NEB: variants seen among roughly 807,000 people sequenced by gnomAD.
NEB encodes nemaline myopathy type 2.
NEB carries 512 observed loss-of-function variants against 952.2 expected under a neutral mutation model. That is an observed-to-expected ratio of 0.54 (90% CI 0.50 to 0.58). NEB has a LOEUF of 0.58. NEB is among the 20% of genes least tolerant of loss of function. The pLI is 0.00. For missense variants in NEB, 8,428 were observed against 9,231.1 expected (o/e 0.91, Z 3.56); for synonymous variants, 2,900 against 3,149.8 (o/e 0.92, Z 2.66).
chr2:151,567,181 T>C lies in NEB; in HGVS notation c.18143A>G (p.Asp6048Gly), dbSNP rs1440118322. 2 of 1,605,412 alleles carry C rather than the reference T, an allele frequency of 1.2e-6. No individual in the cohort carries two copies. The highest frequency in any genetic ancestry group is 1.7e-5 in the Admixed American group (1 of 59,656). The change falls in exon 114 of 182, where the codon GAC (aspartate) becomes GGC (glycine). Residue 6048 changes from aspartate to glycine, a missense_variant. Physicochemically the swap from Asp to Gly is moderately conservative, Grantham distance 94 (BLOSUM62 -1). This residue lies in a region of NEB where 3,374 missense variants were observed against 3,651.5 expected (regional missense o/e 0.92). Coordinates refer to ENST00000397345, the MANE Select transcript of NEB (RefSeq NM_001164508.2). ...AAAATCACTTACATCACTCTGTAGG[T>C]CATAGGCCTTTCTTGCCTGAATAAC... ...NDVIQARKAY[D>G]LQSDNVYRAD...
In NEB at chr2:151,679,543, A is replaced by G. The variant is rs118047174; in HGVS notation, c.3255+178T>C. Among the ~76,000 whole-genome samples the G allele has an allele frequency of 5.6e-3, 854 of 152,274 alleles. 15 individuals carry two copies. The East Asian group carries it at 0.066, about 12-fold the overall frequency. ...AACTGATCAGTAGAAGGTTATACAAATCTTTTCCCTCCAGAAAATTTAAAT... is the reference window on the plus strand; with the variant it reads ...AACTGATCAGTAGAAGGTTATACAAGTCTTTTCCCTCCAGAAAATTTAAAT... On this transcript the variant is annotated intron_variant, in intron 32 of 181. Coordinates refer to ENST00000397345, the MANE Select transcript of NEB (RefSeq NM_001164508.2).
At chr2:151,551,007 GC>G (rs769184928) in intron 129 of NEB, among the ~76,000 whole-genome samples, 1 of 148,786 alleles carries the variant, frequency 6.7e-6, no homozygotes, top group Non-Finnish European at 1.5e-5. Flanking sequence ...TGCTCCTGTT[GC>G]CCAAGCTGGA....
At position 151,717,336 on chromosome 2, in the gene NEB, C is replaced by T. The variant is rs2099761781; in HGVS notation, c.822+80G>A. 21 of 990,040 alleles carry T rather than the reference C, an allele frequency of 2.1e-5. 1 individual carries two copies. The South Asian group carries it at 2.8e-4, about 13-fold the overall frequency. The allele number at this position is 990,040 out of a possible 1,614,324, so 61.3% of individuals were successfully genotyped here. A position where few individuals can be genotyped will look rare whatever the true frequency, so the allele number is the denominator to read the frequency against. On this transcript the variant is annotated intron_variant, in intron 10 of 181. Transcript: ENST00000397345. ...TGTTTGTGTTTTATCTTCAGTCTCA[C>T]CTTTAGTAACCCTCTCTGATGGTTG...
chr2:151,614,361 T>C lies in NEB; in HGVS notation c.11516A>G (p.Tyr3839Cys). The change falls in exon 77 of 182, where the codon TAC (tyrosine) becomes TGC (cysteine). Residue 3839 changes from tyrosine to cysteine, a missense_variant. Tyr to Cys is a radical substitution (Grantham distance 194). Around this residue, in one of 11 missense-constraint regions of NEB, gnomAD observed 1,772 missense variants for 1,960.3 expected, o/e 0.90. Coordinates refer to ENST00000397345, the MANE Select transcript of NEB (RefSeq NM_001164508.2). ...KCQILVSDID[Y>C]KHPLHEWTCL... Reference sequence around the variant, plus strand: ...GGTCCATTCATGCAGGGGATGCTTGTAGTCTATGTCGCTTACAAGGATCTG... The same window carrying C: ...GGTCCATTCATGCAGGGGATGCTTGCAGTCTATGTCGCTTACAAGGATCTG... 2 of 1,613,950 alleles carry C rather than the reference T, an allele frequency of 1.2e-6. No individual in the cohort carries two copies. The highest frequency in any genetic ancestry group is 1.7e-6 in the Non-Finnish European group (2 of 1,179,860).
rs567486086 is a variant in NEB at position 151,573,470 on chromosome 2, T to A, written c.17013+2225A>T. 3.9e-5 allele frequency among the ~76,000 whole-genome samples: 6 copies of A among 152,272 alleles called. No homozygotes were observed. The South Asian group carries it at 1.2e-3, about 32-fold the overall frequency. Reference sequence around the variant, plus strand: ...GAACTGACTACCCCTTGATTCAGCCTCTTGACAAGAATGCGCTGCACCATG... The same window carrying A: ...GAACTGACTACCCCTTGATTCAGCCACTTGACAAGAATGCGCTGCACCATG... On this transcript the variant is annotated intron_variant, in intron 107 of 181. Transcript: ENST00000397345.
Position 151,512,724 on chromosome 2 carries a change from T to A in NEB, c.23346+9A>T, listed in dbSNP as rs2153272170. On this transcript the variant is annotated intron_variant, in intron 161 of 181. Transcript: ENST00000397345. ...GGTTTATGAGTGATGGCATGACGAATGTCCTTACCTGGCTTGAAAGATTCT... is the reference window on the plus strand; with the variant it reads ...GGTTTATGAGTGATGGCATGACGAAAGTCCTTACCTGGCTTGAAAGATTCT... The A allele has an allele frequency of 2.5e-6, 4 of 1,599,154 alleles. No homozygotes were observed. The highest frequency in any genetic ancestry group is 3.4e-6 in the Non-Finnish European group (4 of 1,166,602).
intron 46 of NEB, among the ~76,000 whole-genome samples, chr2:151,660,245 C>T (rs552657693): frequency 9.2e-5 from 14 of 152,290 alleles, no homozygotes; most frequent in Admixed American, 2.0e-4. Context: ...TCAACTTCTC[C>T]TCCGGCCTAG....
At chr2:151,610,975 T>A in intron 78 of NEB, 109 bp from the exon 79 acceptor site, 2 of 660,872 alleles carry the variant, frequency 3.0e-6, no homozygotes, top group South Asian at 2.5e-5. Context: ...CACATTTAAC[T>A]ATAAAATAGC....
intron 153 of NEB, among the ~76,000 whole-genome samples, chr2:151,523,039 CAAT>C (rs1422453864): frequency 2.6e-5 from 4 of 152,232 alleles, no homozygotes; most frequent in South Asian, 2.1e-4. Context: ...TTTTCAAAAA[CAAT>C]AAAGTTTTCA....
At chr2:151,729,096 A>G (rs984997747) in intron 4 of NEB, among the ~76,000 whole-genome samples, 2 of 152,154 alleles carry the variant, frequency 1.3e-5, no homozygotes, top group Non-Finnish European at 2.9e-5. Context: ...AACGTGGAAT[A>G]TTTATGGTAA....
At chr2:151,650,128 A>G in intron 54 of NEB, 48 bp downstream of exon 54, 1 of 1,561,350 alleles carries the variant, frequency 6.4e-7, no homozygotes, top group Non-Finnish European at 8.8e-7. Flanking sequence ...TTGAGCAAAC[A>G]CTAGGTAGCA....
chr2:151,504,773 C>CA (rs1281863153), intron 165 of NEB, among the ~76,000 whole-genome samples: 2 of 152,156 alleles, frequency 1.3e-5, no homozygotes, highest in East Asian at 3.8e-4. Context: ...GCTTGCTTGA[C>CA]AAAAGGTCAG....
Position 151,617,483 on chromosome 2 carries a change from AAAAAAG to A in NEB, c.11077-21_11077-16del. The A allele has an allele frequency of 7.0e-7, 1 of 1,420,356 alleles. No individual in the cohort carries two copies. The highest frequency in any genetic ancestry group is 9.5e-7 in the Non-Finnish European group (1 of 1,055,634). The allele number at this position is 1,420,356 out of a possible 1,614,324, so 88.0% of individuals were successfully genotyped here. On this transcript the variant is annotated splice_polypyrimidine_tract_variant and intron_variant, in intron 74 of 181. Transcript: ENST00000397345. ...GTATATAAGCGCTACAAAAAAAAAAAAAAAAGAGAGAGAGAGAGAGAAAAATTATTT... is the reference window on the plus strand; with the variant it reads ...GTATATAAGCGCTACAAAAAAAAAAAAGAGAGAGAGAGAGAAAAATTATTT...
Position 151,633,780 on chromosome 2 carries a change from C to T in NEB, c.9288G>A (p.Val3096=), listed in dbSNP as rs2098710909. 1 of 1,613,930 alleles carries T rather than the reference C, an allele frequency of 6.2e-7. No individual in the cohort carries two copies. Among genetic ancestry groups the T allele is most frequent in the East Asian group, 2.2e-5 (1 of 44,876 alleles). ...FSSPVDMLGV[V]LAKKCQTLVS... The stretch of plus-strand genomic sequence containing the variant: ...CTAAGGTCTGGCACTTCTTGGCCAG[C>T]ACCACCCCCAGCATGTCCACTGGGC... Residue 3096 remains valine, a synonymous_variant, in exon 65 of 182, where the codon GTG becomes GTA. Coordinates refer to ENST00000397345, the MANE Select transcript of NEB (RefSeq NM_001164508.2).
rs2099126695 is a variant in NEB, at chr2:151,659,817, G to C, written c.5971-648C>G. On this transcript the variant is annotated intron_variant, in intron 46 of 181. Coordinates refer to ENST00000397345, the MANE Select transcript of NEB (RefSeq NM_001164508.2). ...ATTTTTAACTTAATAATATAGGTTAGACATATTTGAACCTTCTTAAAATAA... is the reference window on the plus strand; with the variant it reads ...ATTTTTAACTTAATAATATAGGTTACACATATTTGAACCTTCTTAAAATAA... Among the ~76,000 whole-genome samples, 3 of 152,078 alleles carry C rather than the reference G, an allele frequency of 2.0e-5. No individual in the cohort carries two copies. In the South Asian group the frequency reaches 6.2e-4, roughly 32 times the overall value.
chr2:151,606,313 TA>T (rs1469691264), intron 84 of NEB, among the ~76,000 whole-genome samples: 30 of 63,712 alleles, frequency 4.7e-4, no homozygotes, highest in Non-Finnish European at 8.2e-4. Flanking sequence ...ATTTTAGGGA[TA>T]AAAATGACAT....
At chr2:151,494,441 G>A (rs944246704) in intron 173 of NEB, among the ~76,000 whole-genome samples, 188 bp from the exon 174 acceptor site, 2 of 152,102 alleles carry the variant, frequency 1.3e-5, no homozygotes, top group African/African-American at 2.4e-5. Flanking sequence ...AACCAGGATA[G>A]GCACCTGCCC....
intron 36 of NEB, among the ~76,000 whole-genome samples, chr2:151,674,139 T>A (rs1265842875): frequency 1.3e-5 from 2 of 152,206 alleles, no homozygotes; most frequent in African/African-American, 4.8e-5. Flanking sequence ...ACAATTATAA[T>A]GCAGGCAGTC....
Position 151,697,612 on chromosome 2 carries a change from T to C in NEB, c.1189A>G (p.Lys397Glu), listed in dbSNP as rs764215350. 6.8e-6 allele frequency: 11 copies of C among 1,612,200 alleles called. No homozygotes were observed. The highest frequency in any genetic ancestry group is 3.4e-6 in the Non-Finnish European group (4 of 1,179,496). ...GGGGTCTCGCAGTAATTTATGCTCT[T>C]TGCTTTTGTCTTTTCATAGTTTTCC... ...YKENYEKTKAKSINYCETPKF... is the reference protein window; with the variant it reads ...YKENYEKTKAESINYCETPKF... Residue 397 changes from lysine (K) to glutamate (E), a missense_variant, in exon 14 of 182, where the codon AAG (lysine) becomes GAG (glutamate). By Grantham distance (56) the Lys-to-Glu change is moderately conservative. This residue lies in a region of NEB where 2,851 missense variants were observed against 2,791.5 expected (regional missense o/e 1.02). Transcript: ENST00000397345.
Sources: gnomAD v4.1 joint callset for allele counts (sites outside exome capture counted in the v4.1 genomes callset) on GRCh38, gnomAD v4.1.1 for gene constraint, gnomAD v4.1.1 regional missense constraint, MANE v1.5 for transcripts, NCBI Gene and HGNC (gene_info 2026-07-23, HGNC 2026-07-21) for gene names.